FGF13: variants seen among roughly 807,000 people sequenced by gnomAD.
FGF13 encodes fibroblast growth factor homologous factor 2.
Under a neutral mutation model 19.5 loss-of-function variants are expected in FGF13, and 2 were observed. The ratio of observed to expected loss-of-function variants is 0.10; its 90% CI spans 0.04 to 0.32. The LOEUF (loss-of-function observed/expected upper bound fraction) is 0.32, where lower values mean the gene tolerates loss of function less well. Among genes scored for constraint, FGF13 ranks in the 10% least tolerant of loss-of-function variants. FGF13 has a pLI of 1.00. For synonymous variants in FGF13, 72 were observed against 76.9 expected (o/e 0.94, Z 0.33); for missense variants, 113 against 192.7 (o/e 0.59, Z 2.45).
rs144735020 is a variant in FGF13 at position 139,046,236 on chromosome X, G to T, written c.-113+157180C>A. On this transcript the variant is annotated intron_variant, in intron 1 of 2. Transcript: ENST00000421460. ...CAGGAGCAAGCAAGAGAGTGGGGTCGGAGGTGCCACACACTTTTAGATGAC... is the reference window on the plus strand; with the variant it reads ...CAGGAGCAAGCAAGAGAGTGGGGTCTGAGGTGCCACACACTTTTAGATGAC... 2.8e-3 allele frequency among the ~76,000 whole-genome samples: 315 copies of T among 110,732 alleles called. 3 individuals carry two copies. The highest frequency in any genetic ancestry group is 9.6e-3 in the African/African-American group (291 of 30,293).
At chrX:138,697,859 A>G (rs2089910497) in intron 3 of FGF13, among the ~76,000 whole-genome samples, 1 of 111,147 alleles carries the variant, frequency 9.0e-6, no homozygotes, top group African/African-American at 3.3e-5. Context: ...ATGATTATTT[A>G]TTTCAAGCAG....
intron 1 of FGF13, among the ~76,000 whole-genome samples, chrX:139,161,612 C>T (rs750887803): frequency 1.8e-5 from 2 of 111,993 alleles, no homozygotes; most frequent in African/African-American, 6.5e-5. Context: ...GTCAAATTGT[C>T]TCTGTATGCA....
intron 3 of FGF13, among the ~76,000 whole-genome samples, chrX:138,761,831 A>T (rs1310761319): frequency 9.0e-6 from 1 of 110,997 alleles, no homozygotes. Flanking sequence ...CTTTCCACGA[A>T]ATCCATCCCC....
At chrX:138,659,776 A>G (rs1241651071) in intron 3 of FGF13, among the ~76,000 whole-genome samples, 1 of 111,837 alleles carries the variant, frequency 8.9e-6, no homozygotes, top group African/African-American at 3.3e-5. Context: ...GATGAAGCTG[A>G]AAACCATCAT....
intron 1 of FGF13, among the ~76,000 whole-genome samples, chrX:139,134,878 T>C (rs754118891): frequency 3.6e-5 from 4 of 110,639 alleles, no homozygotes; most frequent in Non-Finnish European, 7.6e-5. Context: ...AAACTCCTGA[T>C]CTCAGGTGAT....
chrX:139,124,440 C>T (rs2083700570), intron 1 of FGF13, among the ~76,000 whole-genome samples: 2 of 111,966 alleles, frequency 1.8e-5, no homozygotes, highest in Non-Finnish European at 3.8e-5. Context: ...CTTCAGTGCC[C>T]TCACAGGTCT....
intron 1 of FGF13, among the ~76,000 whole-genome samples, chrX:138,880,891 A>G (rs114329661): frequency 0.059 from 6,599 of 111,257 alleles, 463 homozygotes; most frequent in African/African-American, 0.2. Context: ...CTTTTTCATG[A>G]TAGGGGTCTA....
intron 1 of FGF13, among the ~76,000 whole-genome samples, chrX:139,032,205 TATCTAAAC>T (rs1313258957): frequency 8.9e-6 from 1 of 112,138 alleles, no homozygotes; most frequent in Admixed American, 9.5e-5. Flanking sequence ...CAGAACTCTT[TATCTAAAC>T]ATTTGCTAAT....
At chrX:139,156,329 A>T (rs929585862) in intron 1 of FGF13, among the ~76,000 whole-genome samples, 1 of 111,734 alleles carries the variant, frequency 8.9e-6, no homozygotes, top group Admixed American at 9.5e-5. Flanking sequence ...GGCCCCCATG[A>T]TCTCTGCTTC....
chrX:138,779,560 A>C (rs1346017405), intron 3 of FGF13, among the ~76,000 whole-genome samples: 2 of 110,117 alleles, frequency 1.8e-5, no homozygotes, highest in African/African-American at 6.6e-5. Context: ...AAGAAAGGGT[A>C]TCAGCAATGG....
At chrX:138,661,376 A>C (rs1385509622) in intron 3 of FGF13, among the ~76,000 whole-genome samples, 1 of 111,974 alleles carries the variant, frequency 8.9e-6, no homozygotes, top group African/African-American at 3.2e-5. Context: ...CTGTGATTCC[A>C]TTTCTTTGCA....
intron 1 of FGF13, among the ~76,000 whole-genome samples, chrX:138,941,155 A>G (rs1683863827): frequency 9.0e-6 from 1 of 111,352 alleles, no homozygotes; most frequent in South Asian, 3.8e-4. Context: ...ACCAGACAAG[A>G]AAGGATGCAC....
intron 1 of FGF13, among the ~76,000 whole-genome samples, chrX:138,925,825 A>G (rs1184722404): frequency 1.8e-5 from 2 of 111,682 alleles, no homozygotes; most frequent in Non-Finnish European, 3.8e-5. Context: ...TCGTTGTGGG[A>G]CATGTCCTAC....
chrX:139,144,132 C>A (rs1185845732), intron 1 of FGF13, among the ~76,000 whole-genome samples: 1 of 111,611 alleles, frequency 9.0e-6, no homozygotes, highest in African/African-American at 3.3e-5. Flanking sequence ...AGCCTCAGGC[C>A]TGGGATGGCG....
At chrX:138,990,033 A>C (rs2092009067) in intron 1 of FGF13, among the ~76,000 whole-genome samples, 1 of 112,194 alleles carries the variant, frequency 8.9e-6, no homozygotes, top group Admixed American at 9.5e-5. Context: ...TGTTTTTGGC[A>C]TCTTAAAAGA....
At chrX:138,634,479 T>C (rs1319837669) in intron 4 of FGF13, among the ~76,000 whole-genome samples, 2 of 113,062 alleles carry the variant, frequency 1.8e-5, no homozygotes, top group Non-Finnish European at 3.7e-5. Flanking sequence ...TACTTCCACA[T>C]AAGTAAAGTG....
intron 1 of FGF13, among the ~76,000 whole-genome samples, chrX:138,884,042 G>A (rs774577155): frequency 2.4e-4 from 27 of 111,631 alleles, no homozygotes; most frequent in Non-Finnish European, 1.1e-4. Context: ...TTAAATCTCT[G>A]AGTCTTTATT....
chrX:138,868,147 T>C (rs889689514), intron 1 of FGF13, among the ~76,000 whole-genome samples: 2 of 111,996 alleles, frequency 1.8e-5, no homozygotes, highest in Admixed American at 1.9e-4. Flanking sequence ...TCACTCACTT[T>C]GCTTTAAATG....
chrX:139,023,155 T>C (rs1299276155), intron 1 of FGF13, among the ~76,000 whole-genome samples: 2 of 110,640 alleles, frequency 1.8e-5, no homozygotes, highest in African/African-American at 3.3e-5. Flanking sequence ...AACCAAATAC[T>C]AGATATTTTA....
Sources: gnomAD v4.1 joint callset for allele counts (sites outside exome capture counted in the v4.1 genomes callset) on GRCh38, gnomAD v4.1.1 for gene constraint, MANE v1.5 for transcripts, NCBI Gene and HGNC (gene_info 2026-07-23, HGNC 2026-07-21) for gene names.